Variants in ZNF710 observed in about 807,000 individuals in gnomAD.
The protein encoded by ZNF710 is zinc finger protein 710.
In ZNF710, 13 loss-of-function variants were observed where a neutral mutation model predicts 50.6. That is an observed-to-expected ratio of 0.26 (90% CI 0.17 to 0.41). The LOEUF (loss-of-function observed/expected upper bound fraction) is 0.41. ZNF710 is among the 10% of genes least tolerant of loss of function. The pLI is 1.00. For synonymous variants in ZNF710, 383 were observed against 397.0 expected (o/e 0.96, Z 0.42); for missense variants, 721 against 936.6 (o/e 0.77, Z 3.01).
At chr15:90,046,079 C>T (rs1315561532) in intron 1 of ZNF710, among the ~76,000 whole-genome samples, 2 of 152,128 alleles carry the variant, frequency 1.3e-5, no homozygotes, top group Admixed American at 6.5e-5. Context: ...GGCATGGTCT[C>T]TGGGGGGACA....
intron 1 of ZNF710, among the ~76,000 whole-genome samples, chr15:90,013,067 G>A (rs1898357669): frequency 6.6e-6 from 1 of 152,114 alleles, no homozygotes; most frequent in South Asian, 2.1e-4. Context: ...TTCCTTAGGT[G>A]TTCTGTGATT....
intron 1 of ZNF710, among the ~76,000 whole-genome samples, chr15:90,031,986 C>G (rs1278755298): frequency 6.6e-6 from 1 of 152,190 alleles, no homozygotes; most frequent in East Asian, 1.9e-4. Context: ...ATATTGTGTA[C>G]TGAGTATTGA....
chr15:90,064,587 A>G (rs955096046), intron 1 of ZNF710, among the ~76,000 whole-genome samples: 1 of 152,182 alleles, frequency 6.6e-6, no homozygotes, highest in African/African-American at 2.4e-5. Flanking sequence ...TCCTGGGTTC[A>G]AGTGATTCTC....
At chr15:90,012,195 C>T (rs563128442) in intron 1 of ZNF710, among the ~76,000 whole-genome samples, 1 of 149,512 alleles carries the variant, frequency 6.7e-6, no homozygotes, top group Non-Finnish European at 1.5e-5. Context: ...CAGAGGGAGA[C>T]TCCATCTCAA....
At chr15:90,077,372 T>C (rs553083773) in intron 4 of ZNF710, among the ~76,000 whole-genome samples, 21 of 151,120 alleles carry the variant, frequency 1.4e-4, no homozygotes, top group Non-Finnish European at 2.5e-4. Flanking sequence ...GCCTCCCAAG[T>C]AGCTGGGACT....
intron 1 of ZNF710, among the ~76,000 whole-genome samples, chr15:90,051,880 A>G (rs183769862): frequency 1.3e-5 from 2 of 152,296 alleles, no homozygotes; most frequent in East Asian, 1.9e-4. Context: ...CTATACAGAC[A>G]AGGAAACCAA....
chr15:90,009,119 T>C (rs1256298546), intron 1 of ZNF710, among the ~76,000 whole-genome samples: 1 of 151,896 alleles, frequency 6.6e-6, no homozygotes, highest in East Asian at 1.9e-4. Flanking sequence ...GTCTTCTGGA[T>C]GGTACCTGAA....
chr15:90,030,629 G>A (rs1240434532), intron 1 of ZNF710, among the ~76,000 whole-genome samples: 5 of 152,088 alleles, frequency 3.3e-5, no homozygotes, highest in Non-Finnish European at 7.4e-5. Context: ...CCATCTGGGT[G>A]GGAATATGAA....
intron 1 of ZNF710, among the ~76,000 whole-genome samples, chr15:90,038,504 C>T (rs1452540479): frequency 6.6e-6 from 1 of 152,134 alleles, no homozygotes; most frequent in African/African-American, 2.4e-5. Flanking sequence ...TGTGGACTTC[C>T]CCATTTGCAA....
Position 90,058,721 on chromosome 15 carries a change from A to ATATGTATG in ZNF710, c.-28-8389_-28-8388insTATGTATG, listed in dbSNP as rs1567236953. ...TATATTTATATATATATATATATAC[A>ATATGTATG]CACATATACACACACACGTACACAG... On this transcript the variant is annotated intron_variant, in intron 1 of 4. Coordinates refer to ENST00000268154, the MANE Select transcript of ZNF710 (RefSeq NM_198526.4). 5.4e-3 allele frequency among the ~76,000 whole-genome samples: 782 copies of ATATGTATG among 144,618 alleles called. 18 individuals are homozygous for ATATGTATG. Among genetic ancestry groups the ATATGTATG allele is most frequent in the African/African-American group, 0.021 (740 of 34,600 alleles). 94.9% of individuals were successfully genotyped at this position (144,618 alleles called of 152,430 possible).
chr15:90,038,707 CTGTGTGTGTGTGTGTGTGTG>C (rs144152063), intron 1 of ZNF710, among the ~76,000 whole-genome samples: 1 of 143,580 alleles, frequency 7.0e-6, no homozygotes, highest in Non-Finnish European at 1.5e-5. Flanking sequence ...CCTCCCTGCT[CTGTGTGTGTGTGTGTGTGTG>C]TGTGTGTGTG....
At chr15:90,000,403 C>G (rs1490441748), upstream of ZNF710, among the ~76,000 whole-genome samples, 1 of 152,112 alleles carries the variant, frequency 6.6e-6, no homozygotes, top group African/African-American at 2.4e-5. Context: ...CCCCGCGGCC[C>G]CTCAGGGAGC....
chr15:90,030,851 C>G (rs1240758330), intron 1 of ZNF710, among the ~76,000 whole-genome samples: 2 of 151,958 alleles, frequency 1.3e-5, no homozygotes, highest in Non-Finnish European at 2.9e-5. Flanking sequence ...CCCGTCTCTA[C>G]TTAAAAAAAT....
At chr15:90,019,660 C>T (rs1214497582) in intron 1 of ZNF710, among the ~76,000 whole-genome samples, 1 of 152,154 alleles carries the variant, frequency 6.6e-6, no homozygotes, top group African/African-American at 2.4e-5. Flanking sequence ...TGAGAGACTC[C>T]GGGCACAGCT....
intron 1 of ZNF710, among the ~76,000 whole-genome samples, chr15:90,060,035 C>T (rs571286761): frequency 1.3e-5 from 2 of 152,164 alleles, no homozygotes; most frequent in Non-Finnish European, 2.9e-5. Context: ...GCCCCCTCCC[C>T]GCTCTTGCTC....
At chr15:90,015,308 A>T (rs1018423168) in intron 1 of ZNF710, among the ~76,000 whole-genome samples, 1 of 152,204 alleles carries the variant, frequency 6.6e-6, no homozygotes, top group African/African-American at 2.4e-5. Flanking sequence ...TTCTGTGGAG[A>T]TGTGTTGGTG....
rs1403863699 is a variant in ZNF710 at position 90,081,687 on chromosome 15, A to T, written c.*1858A>T. 6.6e-6 allele frequency: 1 copy of T among 152,480 alleles called. No homozygotes were observed. Among genetic ancestry groups the T allele is most frequent in the Non-Finnish European group, 1.5e-5 (1 of 68,256 alleles). The allele number at this position is 152,480 out of a possible 1,614,324, so 9.4% of individuals were successfully genotyped here. A position where few individuals can be genotyped will look rare whatever the true frequency, so the allele number is the denominator to read the frequency against. The stretch of plus-strand genomic sequence containing the variant: ...TGAGCAGAAGGCATCATCCCCTGCA[A>T]CTACCTCTTCCCACGTCTTTCTCCC... On this transcript the variant is annotated 3_prime_UTR_variant, in exon 5 of 5. Transcript: ENST00000268154.
chr15:90,037,907 G>A (rs768631030), intron 1 of ZNF710, among the ~76,000 whole-genome samples: 3 of 152,170 alleles, frequency 2.0e-5, no homozygotes, highest in African/African-American at 4.8e-5. Context: ...AGGGAGAGAC[G>A]AATTCCCCGA....
At chr15:90,045,427 A>AG in intron 1 of ZNF710, 5 of 984,296 alleles carry the variant, frequency 5.1e-6, no homozygotes, top group Non-Finnish European at 6.0e-6. Flanking sequence ...GGACCTGGGT[A>AG]AGGGTGCAGC....
Sources: allele counts gnomAD v4.1 joint callset (sites outside exome capture counted in the v4.1 genomes callset), GRCh38; gene constraint gnomAD v4.1.1; transcripts MANE v1.5; gene names NCBI Gene and HGNC (gene_info 2026-07-23, HGNC 2026-07-21).